The following TMEM178B variants were observed in gnomAD, a reference collection of about 807,000 sequenced individuals.
TMEM178B encodes transmembrane protein 178B.
Under a neutral mutation model 31.0 loss-of-function variants are expected in TMEM178B, and 5 were observed. The ratio of observed to expected loss-of-function variants is 0.16; its 90% CI spans 0.08 to 0.34. The LOEUF (loss-of-function observed/expected upper bound fraction) is 0.34. Among genes scored for constraint, TMEM178B ranks in the 10% least tolerant of loss-of-function variants. The probability of loss-of-function intolerance (pLI) is 1.00; values close to 1 mark genes in which losing one functional copy is unlikely to be tolerated. For missense variants in TMEM178B, 275 were observed against 400.3 expected (o/e 0.69, Z 2.67); for synonymous variants, 164 against 164.0 (o/e 1.00, Z 0.00).
intron 2 of TMEM178B, among the ~76,000 whole-genome samples, chr7:141,226,585 G>A (rs751142817): frequency 2.0e-5 from 3 of 152,172 alleles, no homozygotes; most frequent in Admixed American, 6.5e-5. Context: ...AGGCGTGGAG[G>A]CTCATGCCTG....
chr7:141,395,931 G>A (rs1800629549), intron 2 of TMEM178B, among the ~76,000 whole-genome samples: 2 of 152,144 alleles, frequency 1.3e-5, no homozygotes, highest in African/African-American at 4.8e-5. Flanking sequence ...GGAGGAGAGG[G>A]AGGGGGCGGC....
chr7:141,491,524 T>C, the TMEM178B span, among the ~76,000 whole-genome samples: 1 of 152,258 alleles, frequency 6.6e-6, no homozygotes, highest in Non-Finnish European at 1.5e-5. Flanking sequence ...CACCCTATTA[T>C]AATTTTACTT....
chr7:141,300,862 A>G (rs1233946461), intron 2 of TMEM178B, among the ~76,000 whole-genome samples: 1 of 151,496 alleles, frequency 6.6e-6, no homozygotes, highest in Non-Finnish European at 1.5e-5. Flanking sequence ...ATCTCTGTTT[A>G]CCCTTCTTAA....
At chr7:141,492,198 C>T in the TMEM178B span, among the ~76,000 whole-genome samples, 1 of 152,164 alleles carries the variant, frequency 6.6e-6, no homozygotes, top group African/African-American at 2.4e-5. Flanking sequence ...CTCAATCTCC[C>T]CATGTGGTCC....
At chr7:141,242,272 G>A (rs1260454440) in intron 2 of TMEM178B, among the ~76,000 whole-genome samples, 1 of 152,142 alleles carries the variant, frequency 6.6e-6, no homozygotes, top group Non-Finnish European at 1.5e-5. Context: ...AAATTTAAGT[G>A]GAAGTTTGAT....
rs1191904197 is a variant in TMEM178B at position 141,171,345 on chromosome 7, T to C, written c.383-41246T>C. On this transcript the variant is annotated intron_variant, in intron 1 of 3. Transcript: ENST00000565468. This position sits in a 1 kb window ranked among gnomAD's most constrained non-coding sequence, Gnocchi z 4.3. ...TGTGATAGGCAGTGTTCTAAGTGCT[T>C]ACACACATTATCTTACTTTGTTTAT... Among the ~76,000 whole-genome samples, 2 of 152,206 alleles carry C rather than the reference T, an allele frequency of 1.3e-5. No homozygotes were observed. The highest frequency in any genetic ancestry group is 2.9e-5 in the Non-Finnish European group (2 of 68,042).
the TMEM178B span, among the ~76,000 whole-genome samples, chr7:141,494,284 TTATAAC>T: frequency 1.3e-5 from 2 of 152,176 alleles, no homozygotes; most frequent in African/African-American, 4.8e-5. Context: ...CACAATGACT[TTATAAC>T]TATTATATAC....
At chr7:141,466,717 A>G (rs1245394744) in intron 3 of TMEM178B, among the ~76,000 whole-genome samples, 3 of 152,330 alleles carry the variant, frequency 2.0e-5, no homozygotes, top group African/African-American at 4.8e-5. Context: ...AGAACTTTCT[A>G]TCAGGCTCCA....
chr7:141,132,367 A>T (rs904485688), intron 1 of TMEM178B, among the ~76,000 whole-genome samples: 1 of 152,242 alleles, frequency 6.6e-6, no homozygotes, highest in African/African-American at 2.4e-5. Flanking sequence ...GTGCTGGCAC[A>T]TAATAAATAT....
At chr7:141,194,718 A>T (rs1796754134) in intron 1 of TMEM178B, among the ~76,000 whole-genome samples, 1 of 151,668 alleles carries the variant, frequency 6.6e-6, no homozygotes, top group Admixed American at 6.6e-5. Context: ...CCCAGTAGAG[A>T]CTCTGTATGG....
At chr7:141,276,133 G>C (rs1002830301) in intron 2 of TMEM178B, among the ~76,000 whole-genome samples, 1 of 152,114 alleles carries the variant, frequency 6.6e-6, no homozygotes, top group Admixed American at 6.5e-5. Flanking sequence ...AGTGGGTTGG[G>C]GCTCATGGAA....
At chr7:141,193,135 A>G (rs1796724476) in intron 1 of TMEM178B, among the ~76,000 whole-genome samples, 1 of 152,088 alleles carries the variant, frequency 6.6e-6, no homozygotes, top group Admixed American at 6.5e-5. Context: ...CGGTGGCCCT[A>G]GCATCCTCTG....
chr7:141,309,367 A>T (rs893274039), intron 2 of TMEM178B, among the ~76,000 whole-genome samples: 2 of 152,220 alleles, frequency 1.3e-5, no homozygotes, highest in East Asian at 3.8e-4. Context: ...TGTTGAAAAC[A>T]TAATACTCTC....
At chr7:141,321,871 AG>A (rs1286758463) in intron 2 of TMEM178B, among the ~76,000 whole-genome samples, 1 of 151,966 alleles carries the variant, frequency 6.6e-6, no homozygotes, top group Non-Finnish European at 1.5e-5. Context: ...GCAACCATGA[AG>A]GAAGATGCTA....
intron 1 of TMEM178B, among the ~76,000 whole-genome samples, chr7:141,084,314 G>A (rs1460044457): frequency 6.6e-6 from 1 of 151,928 alleles, no homozygotes; most frequent in African/African-American, 2.4e-5. Flanking sequence ...ACATCCCTTG[G>A]GCCATTTAAA....
chr7:141,147,229 C>G (rs1010295943), intron 1 of TMEM178B, among the ~76,000 whole-genome samples: 6 of 151,688 alleles, frequency 4.0e-5, no homozygotes, highest in African/African-American at 1.5e-4. Flanking sequence ...CCCTCCTTCC[C>G]TTTCTCCTTC....
chr7:141,078,080 T>A (rs1794626244), intron 1 of TMEM178B, among the ~76,000 whole-genome samples: 2 of 152,122 alleles, frequency 1.3e-5, no homozygotes, highest in Non-Finnish European at 2.9e-5. Context: ...CCATGACAAG[T>A]CTTAAATCAG....
intron 2 of TMEM178B, among the ~76,000 whole-genome samples, chr7:141,404,174 A>G (rs138034744): frequency 0.023 from 3,471 of 152,218 alleles, 51 homozygotes; most frequent in Middle Eastern, 0.037. Context: ...GCGTGGTGGT[A>G]GGCACCTGTA....
chr7:141,116,656 T>C (rs186329898), intron 1 of TMEM178B, among the ~76,000 whole-genome samples: 103 of 152,186 alleles, frequency 6.8e-4, no homozygotes, highest in Admixed American at 4.4e-3. Context: ...CCTAATGCTA[T>C]CCCTCCCCTA....
Sources: allele counts gnomAD v4.1 joint callset (sites outside exome capture counted in the v4.1 genomes callset), GRCh38; gene constraint gnomAD v4.1.1; non-coding constraint Gnocchi (gnomAD v3.1); transcripts MANE v1.5; gene names NCBI Gene and HGNC (gene_info 2026-07-23, HGNC 2026-07-21).